The following TRPC5 variants were observed in gnomAD, a reference collection of about 807,000 sequenced individuals.
TRPC5 encodes transient receptor potential cation channel subfamily C member 5, also known as short transient receptor potential channel 5.
In TRPC5, 9 loss-of-function variants were observed where a neutral mutation model predicts 56.5. The ratio of observed to expected loss-of-function variants is 0.16; its 90% CI spans 0.10 to 0.28. The LOEUF (loss-of-function observed/expected upper bound fraction) is 0.28. Ranked by LOEUF, TRPC5 falls within the 10% of genes least tolerant of loss-of-function variation. TRPC5 has a pLI of 1.00. For synonymous variants in TRPC5, 282 were observed against 278.5 expected (o/e 1.01, Z -0.13); for missense variants, 469 against 748.9 (o/e 0.63, Z 4.36).
intron 3 of TRPC5, among the ~76,000 whole-genome samples, chrX:111,863,093 A>G (rs1453864544): frequency 8.9e-6 from 1 of 112,096 alleles, no homozygotes; most frequent in East Asian, 2.8e-4. Flanking sequence ...CATTCTACAA[A>G]ATAGAATGAG....
chrX:112,014,516 C>T (rs933210002), intron 1 of TRPC5, among the ~76,000 whole-genome samples: 2 of 112,286 alleles, frequency 1.8e-5, no homozygotes, highest in Non-Finnish European at 3.8e-5. Flanking sequence ...TGCATGTGCT[C>T]CTGTGAACTA....
chrX:111,821,030 C>A (rs922699978), intron 7 of TRPC5, among the ~76,000 whole-genome samples: 2 of 111,432 alleles, frequency 1.8e-5, no homozygotes, highest in Admixed American at 9.6e-5. Flanking sequence ...GCAGTGGGAG[C>A]TCTGATGAAG....
intron 2 of TRPC5, among the ~76,000 whole-genome samples, chrX:111,922,136 C>T (rs1398641569): frequency 8.9e-6 from 1 of 112,201 alleles, no homozygotes; most frequent in Non-Finnish European, 1.9e-5. Flanking sequence ...TTCCATTAAC[C>T]TCATCACTGG....
intron 2 of TRPC5, chrX:111,930,932 G>T: frequency 7.1e-6 from 1 of 140,617 alleles, no homozygotes. Context: ...CACATGCTTA[G>T]AGGTAAAGTC....
intron 7 of TRPC5, among the ~76,000 whole-genome samples, chrX:111,827,621 A>G (rs926870062): frequency 9.0e-6 from 1 of 111,444 alleles, no homozygotes; most frequent in Non-Finnish European, 1.9e-5. Context: ...TTCAAAATAT[A>G]TACAGAATCT....
At chrX:111,833,453 TC>T (rs1922469984) in intron 7 of TRPC5, among the ~76,000 whole-genome samples, 1 of 111,352 alleles carries the variant, frequency 9.0e-6, no homozygotes, top group Admixed American at 9.6e-5. Context: ...TACACTCCTC[TC>T]CCTTCTCTAC....
intron 2 of TRPC5, among the ~76,000 whole-genome samples, chrX:111,919,244 TTGTAAAATGGACCAATCAGCAGTC>T (rs1168881384): frequency 9.9e-5 from 11 of 111,469 alleles, no homozygotes; most frequent in Admixed American, 2.9e-4. Context: ...AGCTAGAGGT[TTGTAAAATGGACCAATCAGCAGTC>T]TGTAAAATGG....
Position 112,045,669 on chromosome X carries a change from C to T in TRPC5, c.-22+36210G>A, listed in dbSNP as rs1003199490. Among the ~76,000 whole-genome samples, 17 of 111,629 alleles carry T rather than the reference C, an allele frequency of 1.5e-4. 1 individual carries two copies. ...ATCATTATAACTTGATTTTGAGTCC[C>T]TCAATTGTTGGCCCTCAGTAATTCA... On this transcript the variant is annotated intron_variant, in intron 1 of 10. Transcript: ENST00000262839.
intron 1 of TRPC5, among the ~76,000 whole-genome samples, chrX:112,023,933 C>T (rs1261919787): frequency 9.0e-6 from 1 of 111,338 alleles, no homozygotes; most frequent in African/African-American, 3.3e-5. Context: ...TTCCAACTAG[C>T]AATATTACAC....
At chrX:111,852,513 G>A (rs764483960) in intron 4 of TRPC5, 76 bp from the exon 5 acceptor site, 1 of 1,027,504 alleles carries the variant, frequency 9.7e-7, no homozygotes, top group Non-Finnish European at 1.3e-6. Flanking sequence ...CCCCCTCCAG[G>A]TGAATAAGGA....
chrX:111,886,432 G>C (rs933600634), intron 3 of TRPC5, among the ~76,000 whole-genome samples: 2 of 112,262 alleles, frequency 1.8e-5, no homozygotes, highest in Admixed American at 1.9e-4. Context: ...TAAGTGTTTG[G>C]TAGATTATGC....
intron 1 of TRPC5, among the ~76,000 whole-genome samples, chrX:111,995,586 T>C (rs949121979): frequency 9.0e-6 from 1 of 111,274 alleles, no homozygotes; most frequent in African/African-American, 3.3e-5. Flanking sequence ...TGTGAATCCA[T>C]CTGGTCCTGG....
At chrX:111,816,968 G>T (rs1414542110) in intron 7 of TRPC5, among the ~76,000 whole-genome samples, 1 of 111,936 alleles carries the variant, frequency 8.9e-6, no homozygotes, top group African/African-American at 3.3e-5. Flanking sequence ...AAAGTCTCCA[G>T]TTTATTACTG....
At chrX:111,992,715 G>A (rs1425064356) in intron 1 of TRPC5, among the ~76,000 whole-genome samples, 2 of 108,815 alleles carry the variant, frequency 1.8e-5, no homozygotes, top group Non-Finnish European at 3.8e-5. Context: ...CAATTCTCCT[G>A]CCTCAGCCTC....
intron 1 of TRPC5, among the ~76,000 whole-genome samples, chrX:111,993,173 T>C (rs990905754): frequency 1.8e-5 from 2 of 109,400 alleles, no homozygotes; most frequent in East Asian, 5.7e-4. Context: ...GTCCTTGTGA[T>C]AGTTTGCTGA....
In TRPC5 at chrX:111,834,954, A is replaced by T. The variant is rs751268476; in HGVS notation, c.1863T>A (p.Ile621=). ...GCTGATAGGAGTTGTTCATCATAGC[A>T]ATCAGCATGTTCAGCAGCACTACCA... The part of the protein sequence containing the change: ...ISLVVLLNML[I]AMMNNSYQLI... The change falls in exon 7 of 11, where the codon ATT becomes ATA. Residue 621 remains isoleucine (I), a synonymous_variant. Transcript: ENST00000262839. 2 of 1,210,364 alleles carry T rather than the reference A, an allele frequency of 1.7e-6. No individual in the cohort carries two copies. Among genetic ancestry groups the T allele is most frequent in the Admixed American group, 4.4e-5 (2 of 45,930 alleles).
At position 112,063,329 on chromosome X, in the gene TRPC5, G is replaced by A. The variant is rs1363297915; in HGVS notation, c.-22+18550C>T. On this transcript the variant is annotated intron_variant, in intron 1 of 10. Coordinates refer to ENST00000262839, the MANE Select transcript of TRPC5 (RefSeq NM_012471.3). ...GCTATTTCATTCAGATTTCAAGTCC[G>A]TGGATCCTGCCCCAAATTACCTTTC... Among the ~76,000 whole-genome samples, 5 of 111,655 alleles carry A rather than the reference G, an allele frequency of 4.5e-5. No homozygotes were observed. In the Admixed American group the frequency reaches 4.7e-4, roughly 11 times the overall value.
intron 2 of TRPC5, among the ~76,000 whole-genome samples, chrX:111,913,617 C>T (rs898285714): frequency 7.2e-5 from 8 of 111,232 alleles, no homozygotes; most frequent in African/African-American, 2.6e-4. Context: ...AGGAGCACTT[C>T]CGGGTGAGTG....
intron 2 of TRPC5, among the ~76,000 whole-genome samples, chrX:111,943,237 G>A (rs1926827498): frequency 8.9e-6 from 1 of 112,071 alleles, no homozygotes; most frequent in Admixed American, 9.5e-5. Flanking sequence ...TTCTACCACT[G>A]CAGGCTATCT....
Sources: allele counts gnomAD v4.1 joint callset (sites outside exome capture counted in the v4.1 genomes callset), GRCh38; gene constraint gnomAD v4.1.1; transcripts MANE v1.5; gene names NCBI Gene and HGNC (gene_info 2026-07-23, HGNC 2026-07-21).